AOPEP: variants seen among roughly 807,000 people sequenced by gnomAD.
AOPEP encodes the protein aminopeptidase O (putative), also known as aminopeptidase O.
AOPEP carries 77 observed loss-of-function variants against 98.1 expected under a neutral mutation model. The ratio of observed to expected loss-of-function variants is 0.78; its 90% CI spans 0.65 to 0.95. The LOEUF is 0.95. AOPEP is among the 40% of genes least tolerant of loss of function. The pLI is 0.00. For missense variants in AOPEP, 1,024 were observed against 1,024.7 expected (o/e 1.00, Z 0.01); for synonymous variants, 346 against 365.3 (o/e 0.95, Z 0.60).
intron 13 of AOPEP, among the ~76,000 whole-genome samples, chr9:95,016,126 A>G (rs1248876125): frequency 6.7e-6 from 1 of 148,988 alleles, no homozygotes; most frequent in Non-Finnish European, 1.5e-5. Context: ...TACTTGCATT[A>G]AGCTTTTTTT....
chr9:94,900,616 G>A (rs1052195409), intron 5 of AOPEP, among the ~76,000 whole-genome samples: 1 of 152,132 alleles, frequency 6.6e-6, no homozygotes, highest in Non-Finnish European at 1.5e-5. Context: ...CATCGTGCTC[G>A]AGTAGAAGAT....
the AOPEP span, among the ~76,000 whole-genome samples, chr9:95,138,240 C>T: frequency 2.0e-5 from 3 of 152,238 alleles, no homozygotes; most frequent in African/African-American, 2.4e-5. Context: ...TACAGGACCA[C>T]GTTGGCTCTG....
intron 7 of AOPEP, among the ~76,000 whole-genome samples, chr9:94,937,096 C>T (rs12001616): frequency 0.031 from 4,649 of 152,312 alleles, 114 homozygotes; most frequent in Non-Finnish European, 0.044. Flanking sequence ...CCTTTACCCC[C>T]GTCCCCTCCC....
At position 94,760,565 on chromosome 9, in the gene AOPEP, C is replaced by G. The variant is rs1322571292; in HGVS notation, c.782C>G (p.Ser261Ter). Residue 261 changes from serine (S) to a stop codon, truncating the protein, a stop_gained, in exon 2 of 17, where the codon TCA becomes TGA. Coordinates refer to ENST00000375315, the MANE Select transcript of AOPEP (RefSeq NM_001193329.3). LOFTEE classifies it high-confidence loss of function. ...GAAGGGCGATCGGTTACATGGACCT[C>G]AGACCAGAGTGGCAGGTAGGTTATC... Reference protein sequence around the residue: ...KPEGRSVTWTSDQSGRPCVYT... With the variant: ...KPEGRSVTWT The G allele has an allele frequency of 6.5e-7, 1 of 1,543,976 alleles. No homozygotes were observed. Among genetic ancestry groups the G allele is most frequent in the African/African-American group, 1.4e-5 (1 of 72,392 alleles).
chr9:95,115,279 G>C, the AOPEP span, among the ~76,000 whole-genome samples: 1 of 152,208 alleles, frequency 6.6e-6, no homozygotes. Context: ...GAAGTAGCTA[G>C]AGATTGCATA....
chr9:95,110,251 C>CTT, the AOPEP span: 2 of 1,007,278 alleles, frequency 2.0e-6, no homozygotes, highest in South Asian at 4.7e-5. Context: ...TAATTTATTT[C>CTT]TTTATACTTC....
chr9:94,774,041 A>C (rs1035771505), intron 3 of AOPEP, among the ~76,000 whole-genome samples: 5 of 152,188 alleles, frequency 3.3e-5, no homozygotes, highest in African/African-American at 1.2e-4. Context: ...GGTGTGAGCC[A>C]CTGTGCCTGG....
Position 94,845,336 on chromosome 9 carries a change from G to A in AOPEP, c.1364+44334G>A, listed in dbSNP as rs1020632817. On this transcript the variant is annotated intron_variant, in intron 5 of 16. Transcript: ENST00000375315. ...GCCAGGCTGCTGGTGTTGAATGAAC[G>A]AGGGAAAAAATGGTAGGAAGTAAAA... 7.9e-5 allele frequency among the ~76,000 whole-genome samples: 12 copies of A among 152,272 alleles called. No homozygotes were observed. In the East Asian group the frequency reaches 2.1e-3, roughly 27 times the overall value.
chr9:94,750,640 C>T (rs539710082), intron 1 of AOPEP, among the ~76,000 whole-genome samples: 15 of 152,156 alleles, frequency 9.9e-5, no homozygotes, highest in Non-Finnish European at 1.9e-4. Flanking sequence ...TGAGTTTTAA[C>T]CCATTTATGC....
chr9:95,007,122 G>C (rs1389921663), intron 13 of AOPEP, among the ~76,000 whole-genome samples: 1 of 151,982 alleles, frequency 6.6e-6, no homozygotes, highest in Non-Finnish European at 1.5e-5. Flanking sequence ...GGATGGTCTC[G>C]ATCTCCTGAC....
chr9:94,909,685 T>G (rs1209942804), intron 5 of AOPEP, among the ~76,000 whole-genome samples: 3 of 152,198 alleles, frequency 2.0e-5, no homozygotes, highest in African/African-American at 7.2e-5. Flanking sequence ...CAGGGTGGCA[T>G]ACGCTGATGT....
At chr9:94,958,213 T>TA (rs149836983) in intron 9 of AOPEP, among the ~76,000 whole-genome samples, 4,372 of 152,336 alleles carry the variant, frequency 0.029, 235 homozygotes, top group African/African-American at 0.1. Context: ...TTGCAGCATG[T>TA]ACCAGAATTT....
intron 11 of AOPEP, among the ~76,000 whole-genome samples, chr9:94,998,952 T>C (rs959260969): frequency 7.2e-5 from 11 of 152,218 alleles, no homozygotes; most frequent in African/African-American, 2.7e-4. Context: ...GTATTATATC[T>C]GCGTAGTATT....
At chr9:94,875,358 A>AAAAAAAAAAG (rs2046824343) in intron 5 of AOPEP, among the ~76,000 whole-genome samples, 4 of 148,142 alleles carry the variant, frequency 2.7e-5, no homozygotes, top group African/African-American at 1.0e-4. Context: ...AAAAAAAAAA[A>AAAAAAAAAAG]AAAAAAAAAA....
At chr9:94,782,933 A>T (rs1210436188) in intron 3 of AOPEP, among the ~76,000 whole-genome samples, 1 of 152,200 alleles carries the variant, frequency 6.6e-6, no homozygotes, top group East Asian at 1.9e-4. Flanking sequence ...TTTCTTTCAG[A>T]CATTGATGAT....
intron 5 of AOPEP, among the ~76,000 whole-genome samples, chr9:94,830,981 T>A (rs1352540135): frequency 3.9e-5 from 6 of 152,214 alleles, no homozygotes; most frequent in Admixed American, 3.9e-4. Flanking sequence ...ATTGCAAAAT[T>A]TTTTTCCCAT....
intron 5 of AOPEP, among the ~76,000 whole-genome samples, chr9:94,906,481 AT>A (rs1205458051): frequency 7.8e-6 from 1 of 128,884 alleles, no homozygotes; most frequent in East Asian, 2.0e-4. Flanking sequence ...AATAATAATA[AT>A]AAAAAAACAG....
At chr9:94,941,310 A>G (rs2056986052) in intron 7 of AOPEP, among the ~76,000 whole-genome samples, 1 of 152,168 alleles carries the variant, frequency 6.6e-6, no homozygotes, top group Non-Finnish European at 1.5e-5. Context: ...TGCCTCTCCT[A>G]AGGTCTCAAC....
chr9:94,811,529 C>T (rs755190854), intron 5 of AOPEP, among the ~76,000 whole-genome samples: 5 of 152,204 alleles, frequency 3.3e-5, no homozygotes, highest in South Asian at 2.1e-4. Context: ...TTCTCTACCA[C>T]AGCTGCCCCC....
Sources: allele counts gnomAD v4.1 joint callset (sites outside exome capture counted in the v4.1 genomes callset), GRCh38; gene constraint gnomAD v4.1.1; transcripts MANE v1.5; gene names NCBI Gene and HGNC (gene_info 2026-07-23, HGNC 2026-07-21).